Variants in GALNT10 observed in about 807,000 individuals in gnomAD.
GALNT10 encodes polypeptide N-acetylgalactosaminyltransferase 10.
GALNT10 carries 41 observed loss-of-function variants against 75.0 expected under a neutral mutation model. The ratio of observed to expected loss-of-function variants is 0.55; its 90% CI spans 0.43 to 0.71. The LOEUF (loss-of-function observed/expected upper bound fraction) is 0.71. GALNT10 is among the 30% of genes least tolerant of loss of function. The pLI is 0.00. For synonymous variants in GALNT10, 302 were observed against 313.0 expected, an observed-to-expected ratio of 0.96 and a Z score of 0.37; for missense variants, 727 against 818.5, an observed-to-expected ratio of 0.89 and a Z score of 1.36.
chr5:154,333,566 C>G (rs943565193), intron 4 of GALNT10, among the ~76,000 whole-genome samples: 2 of 152,132 alleles, frequency 1.3e-5, no homozygotes, highest in Non-Finnish European at 2.9e-5. Flanking sequence ...ACCCCCTCCC[C>G]CACCAGTAAA....
At chr5:154,399,797 G>T (rs10068322) in intron 7 of GALNT10, among the ~76,000 whole-genome samples, 14,559 of 152,188 alleles carry the variant, frequency 0.096, 893 homozygotes, top group African/African-American at 0.16. Flanking sequence ...TGCCAACACT[G>T]GCCCTGAGTC....
At chr5:154,351,103 C>T (rs1755199123) in intron 4 of GALNT10, among the ~76,000 whole-genome samples, 1 of 152,198 alleles carries the variant, frequency 6.6e-6, no homozygotes, top group Non-Finnish European at 1.5e-5. Flanking sequence ...AAAATAATAG[C>T]TACACTGATT....
Position 154,409,981 on chromosome 5 carries a change from G to A in GALNT10, c.1386+219G>A, listed in dbSNP as rs192859753. Among the ~76,000 whole-genome samples, 1 of 152,228 alleles carries A rather than the reference G, an allele frequency of 6.6e-6. No homozygotes were observed. The highest frequency in any genetic ancestry group is 2.4e-5 in the African/African-American group (1 of 41,526). ...GAAAAATTAAAACTTTAAGTTATTA[G>A]CATGAATTTTACCTTTCATCTTTAT... On this transcript the variant is annotated intron_variant, in intron 9 of 11. Coordinates refer to ENST00000297107, the MANE Select transcript of GALNT10 (RefSeq NM_198321.4). This position sits in a 1 kb window ranked among gnomAD's most constrained non-coding sequence, Gnocchi z 4.5.
At position 154,345,288 on chromosome 5, in the gene GALNT10, G is replaced by A. The variant is rs56932156; in HGVS notation, c.568+15550G>A. On this transcript the variant is annotated intron_variant, in intron 4 of 11. Transcript: ENST00000297107. Reference sequence around the variant, plus strand: ...ATTAATGTGTTCATCACCTCCCATAGCTACCTTTTTTGTAGTGAGAATATT... The same window carrying A: ...ATTAATGTGTTCATCACCTCCCATAACTACCTTTTTTGTAGTGAGAATATT... Among the ~76,000 whole-genome samples, 1,395 of 152,174 alleles carry A rather than the reference G, an allele frequency of 9.2e-3. 17 individuals are homozygous for A. Among genetic ancestry groups the A allele is most frequent in the African/African-American group, 0.032 (1,315 of 41,476 alleles).
At chr5:154,197,922 A>G (rs1212326371) in intron 1 of GALNT10, among the ~76,000 whole-genome samples, 1 of 152,148 alleles carries the variant, frequency 6.6e-6, no homozygotes, top group Non-Finnish European at 1.5e-5. Flanking sequence ...CTGAGTCCTT[A>G]ACCACCATAC....
intron 3 of GALNT10, among the ~76,000 whole-genome samples, chr5:154,316,552 C>T (rs1754595870): frequency 6.6e-6 from 1 of 152,188 alleles, no homozygotes; most frequent in Non-Finnish European, 1.5e-5. Context: ...ACTTCACAGC[C>T]ATACACAGGA....
intron 4 of GALNT10, among the ~76,000 whole-genome samples, chr5:154,357,653 TTC>T (rs913566085): frequency 3.9e-5 from 6 of 152,194 alleles, no homozygotes; most frequent in African/African-American, 1.4e-4. Context: ...GCTTCTCCAG[TTC>T]TCCTGATATC....
rs752447902 is a variant in GALNT10, at chr5:154,308,073, G to T, written c.401+9994G>T. 4.7e-5 allele frequency among the ~76,000 whole-genome samples: 7 copies of T among 148,012 alleles called. 1 individual carries two copies. The highest frequency in any genetic ancestry group is 1.3e-4 in the Admixed American group (2 of 14,914). On this transcript the variant is annotated intron_variant, in intron 3 of 11. Transcript: ENST00000297107. ...CTTTTTTTTTTATTATTTCTGTCTG[G>T]TATCTTTATTCACAAAGAATAAAGA...
At chr5:154,248,153 G>A (rs543687850) in intron 1 of GALNT10, among the ~76,000 whole-genome samples, 1 of 152,290 alleles carries the variant, frequency 6.6e-6, no homozygotes, top group East Asian at 1.9e-4. Context: ...TGCATCCCAG[G>A]GATGAAGCCA....
chr5:154,394,307 G>A (rs1437813593), intron 7 of GALNT10, among the ~76,000 whole-genome samples: 29 of 141,988 alleles, frequency 2.0e-4, no homozygotes, highest in African/African-American at 6.3e-4. Context: ...CCCAGGCTAC[G>A]TGAACAGACT....
At chr5:154,215,440 C>T (rs1752851169) in intron 1 of GALNT10, among the ~76,000 whole-genome samples, 1 of 152,150 alleles carries the variant, frequency 6.6e-6, no homozygotes, top group Non-Finnish European at 1.5e-5. Flanking sequence ...CGAGATGGCG[C>T]CACTGCACTC....
intron 5 of GALNT10, among the ~76,000 whole-genome samples, chr5:154,379,066 C>T (rs1312981070): frequency 6.6e-6 from 1 of 152,018 alleles, no homozygotes; most frequent in Non-Finnish European, 1.5e-5. Context: ...TAAACACACC[C>T]CCAGGTGCAT....
chr5:154,398,077 CT>C (rs776231989), intron 7 of GALNT10, among the ~76,000 whole-genome samples: 20 of 152,226 alleles, frequency 1.3e-4, no homozygotes, highest in East Asian at 1.2e-3. Flanking sequence ...GGGGAACAGG[CT>C]TTCACAATTA....
chr5:154,345,825 TG>T (rs35427643), intron 4 of GALNT10, among the ~76,000 whole-genome samples: 77,548 of 145,096 alleles, frequency 0.53, 21,780 homozygotes, highest in Admixed American at 0.67. Context: ...TTGTATTTTT[TG>T]TAGAGCCAGG....
At chr5:154,360,216 G>C (rs1464225670) in intron 4 of GALNT10, among the ~76,000 whole-genome samples, 14 of 152,182 alleles carry the variant, frequency 9.2e-5, no homozygotes, top group Admixed American at 9.2e-4. Flanking sequence ...TTGGGAGGCT[G>C]AGGCAGGCGG....
rs1756591857 is a variant in GALNT10 at position 154,419,784 on chromosome 5, G to C, written c.*2812G>C. The C allele has an allele frequency of 6.6e-6, 1 of 152,200 alleles. No individual in the cohort carries two copies. 9.4% of individuals were successfully genotyped at this position (152,200 alleles called of 1,614,324 possible). A position where few individuals can be genotyped will look rare whatever the true frequency, so the allele number is the denominator to read the frequency against. ...GAAAACCACCTGTCTCAAGGATTCA[G>C]GTTTCTGCTCACATCCCCAGCTGAT... is the stretch of plus-strand genomic sequence containing the variant. On this transcript the variant is annotated 3_prime_UTR_variant, in exon 12 of 12. Transcript: ENST00000297107.
intron 7 of GALNT10, among the ~76,000 whole-genome samples, chr5:154,398,911 A>G (rs575152989): frequency 6.6e-6 from 1 of 152,324 alleles, no homozygotes; most frequent in African/African-American, 2.4e-5. Flanking sequence ...TGTTTGGCAG[A>G]GGGCAGGCGC....
chr5:154,255,895 C>G (rs559072553), intron 1 of GALNT10, among the ~76,000 whole-genome samples: 36 of 146,320 alleles, frequency 2.5e-4, no homozygotes, highest in African/African-American at 8.4e-4. Context: ...CTTCCTCTCT[C>G]TCTTCTTCTA....
intron 3 of GALNT10, among the ~76,000 whole-genome samples, chr5:154,328,305 A>G (rs938785411): frequency 6.6e-6 from 1 of 152,206 alleles, no homozygotes; most frequent in African/African-American, 2.4e-5. Flanking sequence ...CACAAGGGGC[A>G]GGGCCTTCCA....
Sources: allele counts gnomAD v4.1 joint callset (sites outside exome capture counted in the v4.1 genomes callset), GRCh38; gene constraint gnomAD v4.1.1; non-coding constraint Gnocchi (gnomAD v3.1); transcripts MANE v1.5; gene names NCBI Gene and HGNC (gene_info 2026-07-23, HGNC 2026-07-21).